The following TTLL7 variants were observed in gnomAD, a reference collection of about 807,000 sequenced individuals.
TTLL7 encodes tubulin tyrosine ligase like 7, also known as tubulin polyglutamylase TTLL7.
Under a neutral mutation model 120.2 loss-of-function variants are expected in TTLL7, and 53 were observed. The observed-to-expected ratio is 0.44, with a 90% CI of 0.35 to 0.55. TTLL7 has a LOEUF of 0.55. Ranked by LOEUF, TTLL7 falls within the 20% of genes least tolerant of loss-of-function variation. TTLL7 has a pLI of 0.00. For synonymous variants in TTLL7, 353 were observed against 351.7 expected (o/e 1.00, Z -0.04); for missense variants, 803 against 1,054.7 (o/e 0.76, Z 3.31).
intron 20 of TTLL7, among the ~76,000 whole-genome samples, chr1:83,870,723 C>G (rs1233215806): frequency 1.3e-5 from 2 of 151,558 alleles, no homozygotes; most frequent in Non-Finnish European, 2.9e-5. Context: ...CCAGCCTGAC[C>G]AATGTGGAGA....
intron 17 of TTLL7, among the ~76,000 whole-genome samples, chr1:83,905,092 TATAAA>T (rs1657068144): frequency 1.3e-5 from 2 of 151,974 alleles, no homozygotes; most frequent in East Asian, 1.9e-4. Flanking sequence ...CTAAGAAATA[TATAAA>T]ATAAAGTGCT....
At chr1:83,961,083 T>C (rs1473600631) in intron 1 of TTLL7, among the ~76,000 whole-genome samples, 1 of 152,146 alleles carries the variant, frequency 6.6e-6, no homozygotes, top group African/African-American at 2.4e-5. Context: ...AGTAACAATC[T>C]TGACCTTGAG....
In TTLL7 at chr1:83,906,316, AT is replaced by A. The variant is rs1435447766; in HGVS notation, c.2127+12del. 2.1e-5 allele frequency: 33 copies of A among 1,608,570 alleles called. 1 individual carries two copies. Among genetic ancestry groups the A allele is most frequent in the Non-Finnish European group, 2.8e-5 (33 of 1,176,808 alleles). ...ACCAGCTCCTTGGCATTTTAGATAC[AT>A]CACATACTCACATCTTCTATCAGAA... On this transcript the variant is annotated intron_variant, in intron 17 of 20. Transcript: ENST00000260505.
chr1:83,898,469 C>A (rs2100746931), intron 18 of TTLL7, among the ~76,000 whole-genome samples: 1 of 152,090 alleles, frequency 6.6e-6, no homozygotes, highest in East Asian at 1.9e-4. Flanking sequence ...CAATACTGAA[C>A]TCAAGTCCAT....
At chr1:83,997,408 G>A (rs1407956264) in intron 1 of TTLL7, among the ~76,000 whole-genome samples, 1 of 152,192 alleles carries the variant, frequency 6.6e-6, no homozygotes, top group Non-Finnish European at 1.5e-5. Context: ...TTTTACAGAA[G>A]GAGCATAGAA....
chr1:83,933,270 A>G (rs1431466575), intron 9 of TTLL7, among the ~76,000 whole-genome samples: 2 of 152,188 alleles, frequency 1.3e-5, no homozygotes, highest in Admixed American at 1.3e-4. Context: ...GAGGAGAGAC[A>G]CTATCCAGAA....
At chr1:83,961,225 GT>G (rs933919533) in intron 1 of TTLL7, among the ~76,000 whole-genome samples, 2 of 151,920 alleles carry the variant, frequency 1.3e-5, no homozygotes, top group Admixed American at 1.3e-4. Flanking sequence ...TCTCTGGAAG[GT>G]TTTTTTGAAT....
At chr1:83,950,300 G>A (rs941078404) in intron 3 of TTLL7, among the ~76,000 whole-genome samples, 4 of 152,076 alleles carry the variant, frequency 2.6e-5, no homozygotes, top group East Asian at 1.9e-4. Context: ...GAGACAATAC[G>A]TCTACTCAGG....
intron 1 of TTLL7, among the ~76,000 whole-genome samples, chr1:83,967,928 T>A (rs1650626617): frequency 6.6e-6 from 1 of 151,864 alleles, no homozygotes; most frequent in South Asian, 2.1e-4. Flanking sequence ...ACGAAAGGCA[T>A]ACAAGAAAGG....
At chr1:83,905,993 T>C (rs1183676671) in intron 17 of TTLL7, among the ~76,000 whole-genome samples, 3 of 152,088 alleles carry the variant, frequency 2.0e-5, no homozygotes, top group African/African-American at 7.2e-5. Context: ...TCTAAATCTT[T>C]ATAGAAGCAG....
At position 83,896,384 on chromosome 1, in the gene TTLL7, C is replaced by T. The variant is rs192048635; in HGVS notation, c.2209-5903G>A. ...ATAGCACATTTGAAGGCATAAAGCA[C>T]ACAGACAAATTCATATTTTGCAAAA... On this transcript the variant is annotated intron_variant, in intron 18 of 20. Transcript: ENST00000260505. 7.9e-5 allele frequency among the ~76,000 whole-genome samples: 12 copies of T among 152,134 alleles called. No individual in the cohort carries two copies. The East Asian group carries it at 2.3e-3, about 30-fold the overall frequency.
intron 20 of TTLL7, among the ~76,000 whole-genome samples, chr1:83,876,544 G>C (rs1011655313): frequency 1.3e-5 from 2 of 151,912 alleles, no homozygotes; most frequent in Admixed American, 6.6e-5. Flanking sequence ...GAAATTATTT[G>C]AGAAGAACTG....
At chr1:83,965,723 G>A (rs995816705) in intron 1 of TTLL7, among the ~76,000 whole-genome samples, 1 of 151,858 alleles carries the variant, frequency 6.6e-6, no homozygotes, top group African/African-American at 2.4e-5. Context: ...TCTCTACAGC[G>A]CAGGCATTGT....
At chr1:83,914,530 C>T (rs1294334879) in intron 14 of TTLL7, among the ~76,000 whole-genome samples, 4 of 151,974 alleles carry the variant, frequency 2.6e-5, no homozygotes, top group Admixed American at 2.0e-4. Context: ...CGGGGTTTCA[C>T]CATGTTGGCC....
At chr1:83,875,240 A>G (rs995461295) in intron 20 of TTLL7, among the ~76,000 whole-genome samples, 1 of 151,894 alleles carries the variant, frequency 6.6e-6, no homozygotes, top group Non-Finnish European at 1.5e-5. Flanking sequence ...TTCCTTAAAC[A>G]CCATAATTTA....
At chr1:83,884,038 G>C (rs959179334) in intron 19 of TTLL7, among the ~76,000 whole-genome samples, 11 of 151,826 alleles carry the variant, frequency 7.2e-5, no homozygotes, top group African/African-American at 2.4e-4. Flanking sequence ...TGGGGGGTGT[G>C]TGTGTATGTG....
intron 7 of TTLL7, among the ~76,000 whole-genome samples, chr1:83,940,582 C>G (rs193033454): frequency 6.6e-6 from 1 of 152,110 alleles, no homozygotes; most frequent in Non-Finnish European, 1.5e-5. Context: ...TTCTTGATTT[C>G]CCTTTCCCTT....
Position 83,929,242 on chromosome 1 carries a change from AAAG to A in TTLL7, c.1048-15_1048-13del. ...GGGGCTCGGTTAATCTGAAATTTACAAAGAAGACAATATTGGAAGGTAAATAAA... is the reference window on the plus strand; with the variant it reads ...GGGGCTCGGTTAATCTGAAATTTACAAAGACAATATTGGAAGGTAAATAAA... On this transcript the variant is annotated splice_polypyrimidine_tract_variant and intron_variant, in intron 9 of 20. Transcript: ENST00000260505. 1 of 1,579,548 alleles carries A rather than the reference AAAG, an allele frequency of 6.3e-7. No individual in the cohort carries two copies. The highest frequency in any genetic ancestry group is 8.7e-7 in the Non-Finnish European group (1 of 1,152,052).
chr1:83,920,112 G>A lies in TTLL7; in HGVS notation c.1365-278C>T, dbSNP rs11809383. The stretch of plus-strand genomic sequence containing the variant: ...AAATTCTTTCAAAACTTTAATGATT[G>A]CACAAGAGTATTTTTAGAACTTTAT... On this transcript the variant is annotated intron_variant, in intron 12 of 20. Coordinates refer to ENST00000260505, the MANE Select transcript of TTLL7 (RefSeq NM_024686.6). Among the ~76,000 whole-genome samples, 460 of 152,206 alleles carry A rather than the reference G, an allele frequency of 3.0e-3. 2 individuals carry two copies. Among genetic ancestry groups the A allele is most frequent in the African/African-American group, 0.01 (426 of 41,516 alleles).
Sources: allele counts gnomAD v4.1 joint callset (sites outside exome capture counted in the v4.1 genomes callset), GRCh38; gene constraint gnomAD v4.1.1; transcripts MANE v1.5; gene names NCBI Gene and HGNC (gene_info 2026-07-23, HGNC 2026-07-21).